Variants in POLE observed in about 807,000 individuals in gnomAD.
The protein encoded by POLE is DNA polymerase epsilon, catalytic subunit.
A neutral mutation model predicts 279.2 loss-of-function variants in POLE; 188 were observed. That is an observed-to-expected ratio of 0.67 (90% CI 0.60 to 0.76). POLE has a LOEUF of 0.76. Ranked by LOEUF, POLE falls within the 30% of genes least tolerant of loss-of-function variation. The probability of loss-of-function intolerance (pLI) is 0.00; values close to 1 mark genes in which losing one functional copy is unlikely to be tolerated. For synonymous variants in POLE, 1,214 were observed against 1,172.5 expected (o/e 1.04, Z -0.72); for missense variants, 2,703 against 3,016.7 (o/e 0.90, Z 2.44).
rs374200895 is a variant in POLE, at chr12:132,664,111, C to T, written c.2599G>A (p.Val867Ile). Residue 867 changes from valine to isoleucine, a missense_variant, in exon 23 of 49, where the codon GTC (valine) becomes ATC (isoleucine). Physicochemically the swap from Val to Ile is conservative, Grantham distance 29 (BLOSUM62 3). Transcript: ENST00000320574. The surrounding 1 kb of genome is among the most constrained non-coding windows in gnomAD (Gnocchi z 5.3). ...LELDTDGIWC[V>I]LPNSFPENFV... ...TTTTCTGGGAAGCTGTTGGGCAGGA[C>T]GCACCATATACCATCTGTGTCCAGC... 49 of 1,614,030 alleles carry T rather than the reference C, an allele frequency of 3.0e-5. No individual in the cohort carries two copies. The highest frequency in any genetic ancestry group is 3.6e-5 in the Non-Finnish European group (43 of 1,179,992).
intron 35 of POLE, 74 bp from the exon 36 acceptor site, chr12:132,643,070 CACT>C: frequency 1.3e-6 from 2 of 1,491,670 alleles, no homozygotes; most frequent in South Asian, 1.3e-5. Flanking sequence ...CAGACTCCAC[CACT>C]GCCACGGCAC....
Position 132,634,449 on chromosome 12 carries a change from G to A in POLE, c.5812-71C>T, listed in dbSNP as rs1008454069. ...TGGTAGAGGGGTAGGATGCCACAGCGAAGGCTCCTCCAACCTGGGTCCATC... is the reference window on the plus strand; with the variant it reads ...TGGTAGAGGGGTAGGATGCCACAGCAAAGGCTCCTCCAACCTGGGTCCATC... On this transcript the variant is annotated intron_variant, in intron 42 of 48. Transcript: ENST00000320574. This position sits in a 1 kb window ranked among gnomAD's most constrained non-coding sequence, Gnocchi z 4.0. 6.8e-6 allele frequency: 10 copies of A among 1,471,984 alleles called. No individual in the cohort carries two copies. The highest frequency in any genetic ancestry group is 3.8e-5 in the South Asian group (3 of 79,578). 91.2% of individuals were successfully genotyped at this position (1,471,984 alleles called of 1,614,324 possible).
intron 23 of POLE, 137 bp downstream of exon 23, chr12:132,663,867 T>C: frequency 1.2e-6 from 1 of 814,878 alleles, no homozygotes; most frequent in Non-Finnish European, 1.9e-6. Flanking sequence ...ACCATGGTCT[T>C]CAGGCTATAG....
intron 6 of POLE, among the ~76,000 whole-genome samples, chr12:132,678,241 A>T (rs2043101420): frequency 6.6e-6 from 1 of 151,296 alleles, no homozygotes; most frequent in Admixed American, 6.6e-5. Flanking sequence ...TGTAAGATGT[A>T]TTCATTTTAT....
chr12:132,637,872 C>T (rs543514913), intron 41 of POLE, 142 bp downstream of exon 41: 8 of 880,174 alleles, frequency 9.1e-6, no homozygotes, highest in Admixed American at 2.7e-5. Context: ...CCCCTTTTCA[C>T]GCTGCTCAGA....
chr12:132,634,039 C>T lies in POLE; in HGVS notation c.6004+147G>A, dbSNP rs765314900. 10 of 706,590 alleles carry T rather than the reference C, an allele frequency of 1.4e-5. No homozygotes were observed. Among genetic ancestry groups the T allele is most frequent in the Non-Finnish European group, 1.9e-5 (8 of 418,268 alleles). 43.8% of individuals were successfully genotyped at this position (706,590 alleles called of 1,614,324 possible). A position where few individuals can be genotyped will look rare whatever the true frequency, so the allele number is the denominator to read the frequency against. On this transcript the variant is annotated intron_variant, in intron 43 of 48. Transcript: ENST00000320574. The surrounding 1 kb of genome is among the most constrained non-coding windows in gnomAD (Gnocchi z 4.0). ...CCTGGAGCCTGGAGAGGAGGCCCCT[C>T]GGCTCACAAAGTCCCAACTGCTGGG... is the stretch of plus-strand genomic sequence containing the variant.
chr12:132,638,480 T>C lies in POLE; in HGVS notation c.5553-341A>G, dbSNP rs965175644. ...AAAGGACTAGAAGAGAAAATTCGAC[T>C]TCATTCATTGTAAGAATCCTAAGTT... On this transcript the variant is annotated intron_variant, in intron 40 of 48. Coordinates refer to ENST00000320574, the MANE Select transcript of POLE (RefSeq NM_006231.4). 3 of 178,834 alleles carry C rather than the reference T, an allele frequency of 1.7e-5. No individual in the cohort carries two copies. In the South Asian group the frequency reaches 3.9e-4, roughly 24 times the overall value. The allele number at this position is 178,834 out of a possible 1,614,324, so 11.1% of individuals were successfully genotyped here. A position where few individuals can be genotyped will look rare whatever the true frequency, so the allele number is the denominator to read the frequency against.
chr12:132,625,763 G>A lies in POLE; in HGVS notation c.6539C>T (p.Ala2180Val), dbSNP rs552452448. 135 of 1,610,774 alleles carry A rather than the reference G, an allele frequency of 8.4e-5. No homozygotes were observed. In the South Asian group the frequency reaches 1.1e-3, roughly 13 times the overall value. Residue 2180 changes from alanine (A) to valine (V), a missense_variant, in exon 47 of 49, where the codon GCG becomes GTG. Ala to Val is a moderately conservative substitution (Grantham distance 64). This residue lies in a region of POLE where 1,551 missense variants were observed against 1,686.1 expected (regional missense o/e 0.92). Coordinates refer to ENST00000320574, the MANE Select transcript of POLE (RefSeq NM_006231.4). The stretch of plus-strand genomic sequence containing the variant: ...GGAGCAGAGCCACTGAGGCAGGACC[G>A]CCCCATCCTAGGCAGAGCAAGAGTG... ...CKDSSFSEDGAVLPQWLCSNC... is the reference protein window; with the variant it reads ...CKDSSFSEDGVVLPQWLCSNC...
Position 132,648,955 on chromosome 12 carries a change from C to T in POLE, c.4123G>A (p.Ala1375Thr), listed in dbSNP as rs1390398091. ...TTGCGATACGAAGCACCCTCCTCCG[C>T]TTTAGCGACTCGCTGGTTCACGTAG... ...VFYVNQRVAKAEEGASYRKVN... is the reference protein window; with the variant it reads ...VFYVNQRVAKTEEGASYRKVN... Residue 1375 changes from alanine to threonine, a missense_variant, in exon 32 of 49, where the codon GCG becomes ACG. By Grantham distance (58) the Ala-to-Thr change is moderately conservative. Around this residue, in one of 5 missense-constraint regions of POLE, gnomAD observed 1,551 missense variants for 1,686.1 expected, o/e 0.92. Coordinates refer to ENST00000320574, the MANE Select transcript of POLE (RefSeq NM_006231.4). 9.3e-6 allele frequency: 15 copies of T among 1,613,832 alleles called. No homozygotes were observed. The highest frequency in any genetic ancestry group is 1.3e-5 in the African/African-American group (1 of 74,948).
At chr12:132,665,651 T>C (rs1483954596) in intron 20 of POLE, among the ~76,000 whole-genome samples, 2 of 152,232 alleles carry the variant, frequency 1.3e-5, no homozygotes, top group Admixed American at 6.5e-5. Flanking sequence ...TCTGTCTCTC[T>C]GTGTTGACAG....
At chr12:132,647,769 G>A (rs1179588038) in intron 32 of POLE, among the ~76,000 whole-genome samples, 2 of 152,148 alleles carry the variant, frequency 1.3e-5, no homozygotes, top group African/African-American at 2.4e-5. Flanking sequence ...CGCATCGAAA[G>A]GAAGGTGTAG....
rs1057517583 is a variant in POLE, at chr12:132,626,269, G to A, written c.6379C>T (p.Arg2127Ter). 7 of 1,613,876 alleles carry A rather than the reference G, an allele frequency of 4.3e-6. No homozygotes were observed. Among genetic ancestry groups the A allele is most frequent in the East Asian group, 2.2e-5 (1 of 44,888 alleles). ...ACATCCACCAGGCGAAGCAGGTCTC[G>A]GTTCAGCTTATTCACCTGGTTTGTG... ...NITNQVNKLN[R>*]DLLRLVDVGE... is the part of the protein sequence containing the mutation. The change falls in exon 46 of 49, where the codon CGA becomes TGA. Residue 2127 changes from arginine (R) to a stop codon, truncating the protein, a stop_gained. Coordinates refer to ENST00000320574, the MANE Select transcript of POLE (RefSeq NM_006231.4). LOFTEE classifies it high-confidence loss of function.
intron 41 of POLE, among the ~76,000 whole-genome samples, chr12:132,637,388 CCCCAGGG>C (rs2042055009): frequency 6.6e-6 from 1 of 152,220 alleles, no homozygotes; most frequent in Non-Finnish European, 1.5e-5. Flanking sequence ...CTGCATTCAT[CCCCAGGG>C]TGAGCGCACC....
chr12:132,628,216 C>T lies in POLE; in HGVS notation c.6331-1899G>A, dbSNP rs558498611. Among the ~76,000 whole-genome samples, 8 of 152,274 alleles carry T rather than the reference C, an allele frequency of 5.3e-5. No homozygotes were observed. In the South Asian group the frequency reaches 1.5e-3, roughly 28 times the overall value. ...AATTAGCCAGGTGTGGTGGCGCTTGCCTGTAGTCCCAGCTACTCGGGAGGC... is the reference window on the plus strand; with the variant it reads ...AATTAGCCAGGTGTGGTGGCGCTTGTCTGTAGTCCCAGCTACTCGGGAGGC... On this transcript the variant is annotated intron_variant, in intron 45 of 48. Coordinates refer to ENST00000320574, the MANE Select transcript of POLE (RefSeq NM_006231.4).
chr12:132,633,995 G>A, intron 43 of POLE, 191 bp downstream of exon 43: 1 of 547,088 alleles, frequency 1.8e-6, no homozygotes, highest in Non-Finnish European at 3.2e-6. Context: ...CCCCTCTCCG[G>A]GCCCTCCAGT....
rs778744958 is a variant in POLE at position 132,639,157 on chromosome 12, T to C, written c.5520A>G (p.Thr1840=). Residue 1840 remains threonine (T), a synonymous_variant, in exon 40 of 49, where the codon ACA becomes ACG. Coordinates refer to ENST00000320574, the MANE Select transcript of POLE (RefSeq NM_006231.4). The surrounding 1 kb of genome is among the most constrained non-coding windows in gnomAD (Gnocchi z 4.7). ...SLLHDPALHR[T]LHNMMKKLFL... is the part of the protein sequence containing the mutation. ...AGAGCTTCTTCATCATGTTGTGGAG[T>C]GTGCGGTGCAGGGCAGGGTCATGAA... 6 of 1,613,684 alleles carry C rather than the reference T, an allele frequency of 3.7e-6. No homozygotes were observed. Among genetic ancestry groups the C allele is most frequent in the Non-Finnish European group, 4.2e-6 (5 of 1,179,952 alleles).
At chr12:132,653,199 G>C (rs2138633852) in intron 29 of POLE, among the ~76,000 whole-genome samples, 1 of 152,308 alleles carries the variant, frequency 6.6e-6, no homozygotes, top group East Asian at 1.9e-4. Context: ...CTGGGCAACA[G>C]TGAGACCCAG....
rs1555223944 is a variant in POLE, at chr12:132,649,390, G to T, written c.3921C>A (p.Ile1307=). 1 of 1,613,324 alleles carries T rather than the reference G, an allele frequency of 6.2e-7. No homozygotes were observed. Among genetic ancestry groups the T allele is most frequent in the African/African-American group, 1.3e-5 (1 of 75,056 alleles). ...SAEGVLRPGA[I]RDGPATGLGS... ...CCAGCCCCGTGGCAGGACCATCCCG[G>T]ATGGCCCCGGGCCTGAGCACACCCT... is the stretch of plus-strand genomic sequence containing the variant. The change falls in exon 31 of 49, where the codon ATC becomes ATA. Residue 1307 remains isoleucine (I), a synonymous_variant. Transcript: ENST00000320574.
rs1555224105 is a variant in POLE, at chr12:132,649,808, G to A, written c.3664C>T (p.His1222Tyr). The A allele has an allele frequency of 2.5e-6, 4 of 1,614,180 alleles. No homozygotes were observed. The highest frequency in any genetic ancestry group is 3.4e-6 in the Non-Finnish European group (4 of 1,180,032). Reference protein sequence around the residue: ...MEDFGLVKLPHPAAPVTVKRK... With the variant: ...MEDFGLVKLPYPAAPVTVKRK... ...TTCACAGTGACAGGGGCTGCTGGGT[G>A]AGGCAGCTTTACGAGGCCGAAGTCC... Residue 1222 changes from histidine (H) to tyrosine (Y), a missense_variant, in exon 30 of 49, where the codon CAC (histidine) becomes TAC (tyrosine). His to Tyr is a moderately conservative substitution (Grantham distance 83). This residue lies in a region of POLE where 1,551 missense variants were observed against 1,686.1 expected (regional missense o/e 0.92). Transcript: ENST00000320574.
Sources: allele counts gnomAD v4.1 joint callset (sites outside exome capture counted in the v4.1 genomes callset), GRCh38; gene constraint gnomAD v4.1.1; regional missense constraint gnomAD v4.1.1; non-coding constraint Gnocchi (gnomAD v3.1); transcripts MANE v1.5; gene names NCBI Gene and HGNC (gene_info 2026-07-23, HGNC 2026-07-21).